PATJ: variants seen among roughly 807,000 people sequenced by gnomAD.
The protein encoded by PATJ is inaD-like protein.
In PATJ, 190 loss-of-function variants were observed where a neutral mutation model predicts 224.9. The ratio of observed to expected loss-of-function variants is 0.84; its 90% CI spans 0.75 to 0.95. The LOEUF (loss-of-function observed/expected upper bound fraction) is 0.95. PATJ is among the 40% of genes least tolerant of loss of function. PATJ has a pLI of 0.00. For synonymous variants in PATJ, 769 were observed against 820.3 expected, an observed-to-expected ratio of 0.94 and a Z score of 1.07; for missense variants, 2,121 against 2,270.3, an observed-to-expected ratio of 0.93 and a Z score of 1.34.
chr1:62,071,018 T>C (rs1204541168), intron 31 of PATJ, among the ~76,000 whole-genome samples: 1 of 152,152 alleles, frequency 6.6e-6, no homozygotes, highest in African/African-American at 2.4e-5. Flanking sequence ...AAAGGCTGTG[T>C]GAACATGCCT....
At chr1:61,885,133 C>G (rs1668635861) in intron 22 of PATJ, among the ~76,000 whole-genome samples, 1 of 152,056 alleles carries the variant, frequency 6.6e-6, no homozygotes, top group South Asian at 2.1e-4. Context: ...GACTTCATGT[C>G]TAAAACACCA....
chr1:61,980,473 GTGT>G (rs1644394490), intron 27 of PATJ, among the ~76,000 whole-genome samples: 2 of 136,328 alleles, frequency 1.5e-5, no homozygotes, highest in African/African-American at 5.9e-5. Context: ...GTGTGTGTGT[GTGT>G]GTGGTATGCA....
At chr1:61,988,577 T>A (rs1396816613) in intron 27 of PATJ, among the ~76,000 whole-genome samples, 1 of 152,216 alleles carries the variant, frequency 6.6e-6, no homozygotes, top group Non-Finnish European at 1.5e-5. Context: ...TTTTACTGTA[T>A]TTTGCTAAAT....
At chr1:62,046,078 T>C (rs997161201) in intron 30 of PATJ, among the ~76,000 whole-genome samples, 3 of 152,062 alleles carry the variant, frequency 2.0e-5, no homozygotes, top group African/African-American at 4.8e-5. Flanking sequence ...GGTGCATGCA[T>C]GTAGTCCCAG....
intron 27 of PATJ, among the ~76,000 whole-genome samples, chr1:61,939,317 TCACACACACA>T (rs60430174): frequency 5.6e-5 from 8 of 142,570 alleles, no homozygotes; most frequent in African/African-American, 1.9e-4. Flanking sequence ...AACTTTGCAT[TCACACACACA>T]CACACACACA....
intron 8 of PATJ, 124 bp downstream of exon 8, chr1:61,788,096 G>GA (rs35694329): frequency 0.83 from 391,392 of 472,062 alleles, 155,489 homozygotes; most frequent in African/African-American, 0.89. Flanking sequence ...AGTGAAACAG[G>GA]AAAAAAAAAA....
chr1:62,042,357 G>T (rs1651673790), intron 30 of PATJ, among the ~76,000 whole-genome samples: 1 of 152,162 alleles, frequency 6.6e-6, no homozygotes, highest in Non-Finnish European at 1.5e-5. Flanking sequence ...GGTATGTGAA[G>T]AGGACGCATA....
chr1:61,996,148 TC>T (rs1645340339), intron 28 of PATJ, among the ~76,000 whole-genome samples: 1 of 152,152 alleles, frequency 6.6e-6, no homozygotes, highest in African/African-American at 2.4e-5. Flanking sequence ...TATTTAAGAA[TC>T]ATGAAAAATC....
chr1:61,883,743 G>C, intron 21 of PATJ, among the ~76,000 whole-genome samples: 1 of 126,408 alleles, frequency 7.9e-6, no homozygotes, highest in Non-Finnish European at 1.6e-5. Context: ...GCAACAGAGA[G>C]AGACTCCGTC....
chr1:61,979,432 A>G (rs540007303), intron 27 of PATJ, among the ~76,000 whole-genome samples: 26 of 152,120 alleles, frequency 1.7e-4, no homozygotes, highest in Admixed American at 8.5e-4. Context: ...AGGTGGGCAG[A>G]TCACGAGGTC....
intron 28 of PATJ, among the ~76,000 whole-genome samples, chr1:61,990,594 TATC>T (rs1645005382): frequency 6.6e-6 from 1 of 152,230 alleles, no homozygotes; most frequent in South Asian, 2.1e-4. Context: ...TTCAGTAAAA[TATC>T]ATGGAAACAT....
intron 17 of PATJ, among the ~76,000 whole-genome samples, 189 bp downstream of exon 17, chr1:61,833,974 A>G (rs1659762270): frequency 2.0e-5 from 3 of 152,212 alleles, no homozygotes; most frequent in South Asian, 4.1e-4. Flanking sequence ...GATGGATTAT[A>G]TAGGAACTGG....
intron 31 of PATJ, among the ~76,000 whole-genome samples, chr1:62,061,818 C>G (rs1345323399): frequency 6.6e-6 from 1 of 152,118 alleles, no homozygotes; most frequent in Non-Finnish European, 1.5e-5. Flanking sequence ...TGCCACCATG[C>G]CCAGCTAATA....
Position 61,884,263 on chromosome 1 carries a change from C to A in PATJ, c.2986C>A (p.Pro996Thr), listed in dbSNP as rs754576463. ...CATGATCCCGAATGATGTCCAAGGT[C>A]CTAGCTTGCTCATTGACCTTCCTGT... ...LGMIPNDVQGPSLLIDLPVVA... is the reference protein window; with the variant it reads ...LGMIPNDVQGTSLLIDLPVVA... Residue 996 changes from proline (P) to threonine (T), a missense_variant, in exon 22 of 44, where the codon CCT becomes ACT. Transcript: ENST00000642238. 402 of 1,612,522 alleles carry A rather than the reference C, an allele frequency of 2.5e-4. No homozygotes were observed. Among genetic ancestry groups the A allele is most frequent in the Non-Finnish European group, 2.9e-4 (345 of 1,179,450 alleles).
intron 35 of PATJ, among the ~76,000 whole-genome samples, chr1:62,115,486 G>A (rs1664354794): frequency 6.6e-6 from 1 of 151,360 alleles, no homozygotes; most frequent in South Asian, 2.1e-4. Context: ...TTTAAATAAA[G>A]AAAAATGAAG....
chr1:62,013,985 G>T (rs1378254095), intron 28 of PATJ, among the ~76,000 whole-genome samples: 1 of 152,188 alleles, frequency 6.6e-6, no homozygotes, highest in Non-Finnish European at 1.5e-5. Flanking sequence ...TGTTGGCCAG[G>T]CTGGTCTTGA....
rs1319587343 is a variant in PATJ, at chr1:62,149,234, AG to A, written c.5378+845del. On this transcript the variant is annotated intron_variant, in intron 42 of 43. Transcript: ENST00000642238. ...GACTAGGTGGTCTGTGGTGGATTCC[AG>A]AAACCTGATGTTAACAAGTTTCCCA... is the stretch of plus-strand genomic sequence containing the variant. 3.3e-5 allele frequency among the ~76,000 whole-genome samples: 5 copies of A among 151,980 alleles called. No homozygotes were observed. In the East Asian group the frequency reaches 9.6e-4, roughly 29 times the overall value.
intron 20 of PATJ, among the ~76,000 whole-genome samples, chr1:61,874,877 T>C (rs1477422936): frequency 6.6e-6 from 1 of 152,222 alleles, no homozygotes; most frequent in African/African-American, 2.4e-5. Context: ...AAGCTATTTA[T>C]TTGTAGATAT....
chr1:61,917,523 AATAG>A (rs1673622553), intron 26 of PATJ, among the ~76,000 whole-genome samples: 1 of 152,226 alleles, frequency 6.6e-6, no homozygotes, highest in South Asian at 2.1e-4. Context: ...AAATTATATT[AATAG>A]ATTTCAGAAT....
Sources: gnomAD v4.1 joint callset for allele counts (sites outside exome capture counted in the v4.1 genomes callset) on GRCh38, gnomAD v4.1.1 for gene constraint, MANE v1.5 for transcripts, NCBI Gene and HGNC (gene_info 2026-07-23, HGNC 2026-07-21) for gene names.